Variants in CHN2 observed in about 807,000 individuals in gnomAD.
CHN2 encodes chimerin 2.
A neutral mutation model predicts 56.3 loss-of-function variants in CHN2; 35 were observed. The observed-to-expected ratio is 0.62, with a 90% CI of 0.47 to 0.82. CHN2 has a LOEUF of 0.82. CHN2 is among the 40% of genes least tolerant of loss of function. CHN2 has a pLI of 0.00. For synonymous variants in CHN2, 210 were observed against 212.8 expected (o/e 0.99, Z 0.12); for missense variants, 491 against 580.5 (o/e 0.85, Z 1.58).
At chr7:29,443,567 C>T (rs1444862066) in intron 6 of CHN2, among the ~76,000 whole-genome samples, 1 of 152,168 alleles carries the variant, frequency 6.6e-6, no homozygotes, top group Non-Finnish European at 1.5e-5. Context: ...AGGTTCTACT[C>T]TTCTGTGTTT....
intron 6 of CHN2, among the ~76,000 whole-genome samples, chr7:29,431,309 T>A (rs1585370004): frequency 6.6e-6 from 1 of 152,190 alleles, no homozygotes; most frequent in East Asian, 1.9e-4. Flanking sequence ...TCCTGAATAA[T>A]ACTAGAAAAT....
chr7:29,250,046 CAT>C (rs1343955983), intron 1 of CHN2, among the ~76,000 whole-genome samples: 5 of 152,150 alleles, frequency 3.3e-5, no homozygotes, highest in African/African-American at 1.2e-4. Context: ...TTTAGCACAA[CAT>C]GTGATTTTAT....
intron 6 of CHN2, among the ~76,000 whole-genome samples, chr7:29,428,746 C>T (rs1230534773): frequency 6.6e-6 from 1 of 152,034 alleles, no homozygotes; most frequent in Non-Finnish European, 1.5e-5. Flanking sequence ...TATATTAGCA[C>T]GTAGGGCCTA....
chr7:29,198,495 T>C (rs182294018), intron 1 of CHN2, among the ~76,000 whole-genome samples: 55 of 152,356 alleles, frequency 3.6e-4, no homozygotes, highest in Non-Finnish European at 6.5e-4. Flanking sequence ...AATTTTCTTC[T>C]GGAATATTCA....
rs57010459 is a variant in CHN2 at position 29,287,044 on chromosome 7, T to G, written c.50-67581T>G. Among the ~76,000 whole-genome samples, 488 of 152,320 alleles carry G rather than the reference T, an allele frequency of 3.2e-3. 11 individuals are homozygous for G. The highest frequency in any genetic ancestry group is 0.02 in the Admixed American group (309 of 15,294). On this transcript the variant is annotated intron_variant, in intron 1 of 12. Coordinates refer to ENST00000222792, the MANE Select transcript of CHN2 (RefSeq NM_004067.4). ...CCTGGGGATGGGGACCCTTTTCTTC[T>G]CCTGTATTTTTAGTCCATTTGTTTC...
intron 2 of CHN2, among the ~76,000 whole-genome samples, chr7:29,158,801 T>G (rs1429190488): frequency 2.0e-5 from 3 of 152,202 alleles, no homozygotes; most frequent in Non-Finnish European, 4.4e-5. Flanking sequence ...TTTCACCCTA[T>G]TTTAAATATT....
intron 1 of CHN2, among the ~76,000 whole-genome samples, chr7:29,270,909 T>C (rs1294222033): frequency 6.6e-6 from 1 of 152,108 alleles, no homozygotes; most frequent in Admixed American, 6.5e-5. Context: ...TGTATTTGCA[T>C]TTATAATTCT....
At chr7:29,150,859 C>T (rs1408151975) in intron 2 of CHN2, among the ~76,000 whole-genome samples, 2 of 152,184 alleles carry the variant, frequency 1.3e-5, no homozygotes, top group East Asian at 3.8e-4. Context: ...AGCCCCCATG[C>T]ACCACAATTA....
chr7:29,251,961 G>A (rs245966), intron 1 of CHN2, among the ~76,000 whole-genome samples: 11,564 of 152,122 alleles, frequency 0.076, 816 homozygotes, highest in African/African-American at 0.19. Flanking sequence ...TCTTACACAT[G>A]CTATATATAC....
At position 29,351,107 on chromosome 7, in the gene CHN2, C is replaced by CAAAA. The variant is rs55787771; in HGVS notation, c.50-3498_50-3495dup. ...TGGGCAACGGAGCAAGACTCCATCT[C>CAAAA]AAAAAAAAAAAAAAAAAAAAAAATT... On this transcript the variant is annotated intron_variant, in intron 1 of 12. Coordinates refer to ENST00000222792, the MANE Select transcript of CHN2 (RefSeq NM_004067.4). 7.6e-3 allele frequency among the ~76,000 whole-genome samples: 532 copies of CAAAA among 70,012 alleles called. 15 individuals carry two copies. Among genetic ancestry groups the CAAAA allele is most frequent in the Middle Eastern group, 0.029 (3 of 102 alleles). 45.9% of individuals were successfully genotyped at this position (70,012 alleles called of 152,430 possible).
chr7:29,321,372 T>C (rs1795331858), intron 1 of CHN2, among the ~76,000 whole-genome samples: 2 of 152,026 alleles, frequency 1.3e-5, no homozygotes, highest in Non-Finnish European at 2.9e-5. Context: ...AGCTGATCTA[T>C]TCCTCACAGC....
intron 1 of CHN2, among the ~76,000 whole-genome samples, chr7:29,335,210 A>C (rs11764084): frequency 0.098 from 14,996 of 152,266 alleles, 1,032 homozygotes; most frequent in South Asian, 0.23. Flanking sequence ...ATTCTCTGTC[A>C]TGGTGCTGGG....
chr7:29,228,176 A>G (rs976561109), intron 1 of CHN2, among the ~76,000 whole-genome samples: 8 of 149,798 alleles, frequency 5.3e-5, no homozygotes, highest in East Asian at 4.0e-4. Context: ...ACACACACAC[A>G]CGTGTGTGTG....
At chr7:29,460,986 C>T (rs1302554095) in intron 6 of CHN2, among the ~76,000 whole-genome samples, 3 of 152,164 alleles carry the variant, frequency 2.0e-5, no homozygotes, top group Non-Finnish European at 4.4e-5. Flanking sequence ...GATGTTGTTC[C>T]ACATCACAAT....
intron 6 of CHN2, among the ~76,000 whole-genome samples, chr7:29,447,747 A>G (rs1784129304): frequency 6.6e-6 from 1 of 152,196 alleles, no homozygotes; most frequent in African/African-American, 2.4e-5. Flanking sequence ...TTCCAGGTAT[A>G]TAGATAACAT....
At chr7:29,365,997 G>T (rs1799128513) in intron 2 of CHN2, among the ~76,000 whole-genome samples, 1 of 152,182 alleles carries the variant, frequency 6.6e-6, no homozygotes, top group Non-Finnish European at 1.5e-5. Context: ...ACCATCTGAG[G>T]TGTGATGAAC....
At chr7:29,508,583 G>A (rs545501219) in intron 11 of CHN2, among the ~76,000 whole-genome samples, 20 of 152,090 alleles carry the variant, frequency 1.3e-4, no homozygotes, top group African/African-American at 4.3e-4. Flanking sequence ...CCCTCCTTCC[G>A]GGGCCCTAGT....
chr7:29,329,862 T>C (rs1455327585), intron 1 of CHN2, among the ~76,000 whole-genome samples: 1 of 152,226 alleles, frequency 6.6e-6, no homozygotes, highest in Non-Finnish European at 1.5e-5. Flanking sequence ...AGAGAAGAAA[T>C]ATTTTCCTTG....
chr7:29,336,165 A>T (rs965001077), intron 1 of CHN2: 2 of 152,288 alleles, frequency 1.3e-5, no homozygotes, highest in East Asian at 3.9e-4. Context: ...TGGCCCTCTC[A>T]TTGCCCTCTG....
Sources: gnomAD v4.1 joint callset for allele counts (sites outside exome capture counted in the v4.1 genomes callset) on GRCh38, gnomAD v4.1.1 for gene constraint, MANE v1.5 for transcripts, NCBI Gene and HGNC (gene_info 2026-07-23, HGNC 2026-07-21) for gene names.